Variants in NRG3 observed in about 807,000 individuals in gnomAD.
The protein encoded by NRG3 is neuregulin 3.
In NRG3, 31 loss-of-function variants were observed where a neutral mutation model predicts 66.9. The ratio of observed to expected loss-of-function variants is 0.46; its 90% CI spans 0.35 to 0.63. The LOEUF is 0.63. NRG3 is among the 20% of genes least tolerant of loss of function. NRG3 has a pLI of 0.00. For missense variants in NRG3, 910 were observed against 878.9 expected (o/e 1.04, Z -0.45); for synonymous variants, 393 against 359.4 (o/e 1.09, Z -1.06).
chr10:82,780,920 T>C (rs149131489), intron 3 of NRG3, among the ~76,000 whole-genome samples: 20 of 152,248 alleles, frequency 1.3e-4, no homozygotes, highest in African/African-American at 4.8e-4. Flanking sequence ...CTGGTGTAAG[T>C]TGTAAAGGTT....
At chr10:82,807,502 A>G (rs1169021342) in intron 3 of NRG3, among the ~76,000 whole-genome samples, 1 of 152,200 alleles carries the variant, frequency 6.6e-6, no homozygotes, top group Non-Finnish European at 1.5e-5. Context: ...ATACATAATT[A>G]CATGAATCAG....
At chr10:82,698,681 T>G (rs1195146790) in intron 2 of NRG3, among the ~76,000 whole-genome samples, 2 of 152,120 alleles carry the variant, frequency 1.3e-5, no homozygotes, top group Non-Finnish European at 2.9e-5. Flanking sequence ...CCTTTTGGAG[T>G]CTCAGTGTTC....
intron 3 of NRG3, among the ~76,000 whole-genome samples, chr10:82,785,488 A>G (rs2060317511): frequency 6.6e-6 from 1 of 152,180 alleles, no homozygotes; most frequent in African/African-American, 2.4e-5. Context: ...AAATTTAAAC[A>G]GTAAAGGCTA....
At chr10:82,176,577 G>T (rs2073048030) in intron 1 of NRG3, among the ~76,000 whole-genome samples, 1 of 152,086 alleles carries the variant, frequency 6.6e-6, no homozygotes, top group African/African-American at 2.4e-5. Flanking sequence ...TGAGCTGATT[G>T]AACTCCTTGG....
intron 8 of NRG3, among the ~76,000 whole-genome samples, chr10:82,980,574 C>T (rs978794869): frequency 6.6e-6 from 1 of 152,128 alleles, no homozygotes; most frequent in Non-Finnish European, 1.5e-5. Flanking sequence ...TAGCACAGAG[C>T]CTCACGTTTC....
chr10:82,309,176 G>A (rs758420008), intron 1 of NRG3, among the ~76,000 whole-genome samples: 11 of 152,104 alleles, frequency 7.2e-5, no homozygotes, highest in Admixed American at 3.3e-4. Flanking sequence ...AGAAGCTTTC[G>A]GGACTGAAGG....
chr10:82,628,469 A>G (rs2049580143), intron 2 of NRG3, among the ~76,000 whole-genome samples: 1 of 152,184 alleles, frequency 6.6e-6, no homozygotes, highest in Non-Finnish European at 1.5e-5. Flanking sequence ...ATCCCATGGA[A>G]CTAGAAGCAA....
At chr10:81,923,823 G>A (rs1010876608) in intron 1 of NRG3, among the ~76,000 whole-genome samples, 4 of 152,174 alleles carry the variant, frequency 2.6e-5, no homozygotes, top group African/African-American at 9.7e-5. Context: ...ACGTTTGCAT[G>A]TTTGGAAACC....
intron 1 of NRG3, among the ~76,000 whole-genome samples, chr10:82,095,360 C>A (rs571954630): frequency 1.3e-5 from 2 of 151,634 alleles, no homozygotes; most frequent in African/African-American, 4.8e-5. Context: ...AGCTTGACTG[C>A]AATATTCTGT....
intron 3 of NRG3, among the ~76,000 whole-genome samples, chr10:82,809,089 T>G (rs183007746): frequency 0.011 from 1,624 of 152,238 alleles, 11 homozygotes; most frequent in Non-Finnish European, 0.018. Flanking sequence ...TCAAGGCCAG[T>G]TCAAGACAAC....
In NRG3 at chr10:82,823,029, C is replaced by G. The variant is rs1306291929; in HGVS notation, c.1028-42382C>G. Among the ~76,000 whole-genome samples the G allele has an allele frequency of 3.3e-5, 5 of 152,268 alleles. No homozygotes were observed. In the East Asian group the frequency reaches 9.7e-4, roughly 29 times the overall value. On this transcript the variant is annotated intron_variant, in intron 3 of 8. Coordinates refer to ENST00000372141, the MANE Select transcript of NRG3 (RefSeq NM_001010848.4). ...AGAGTGCTAGCCTCATTGTTATTCC[C>G]CTTTTACTTTTCCTTCTTCTGCCAG... is the stretch of plus-strand genomic sequence containing the variant.
At chr10:82,547,666 T>C (rs1345127209) in intron 2 of NRG3, among the ~76,000 whole-genome samples, 1 of 152,030 alleles carries the variant, frequency 6.6e-6, no homozygotes, top group Non-Finnish European at 1.5e-5. Flanking sequence ...CACACATATA[T>C]ATTCCAGTTT....
At chr10:81,976,422 A>C (rs1407007212) in intron 1 of NRG3, among the ~76,000 whole-genome samples, 2 of 152,116 alleles carry the variant, frequency 1.3e-5, no homozygotes, top group Non-Finnish European at 2.9e-5. Context: ...TATGTAACAG[A>C]CTTTATGCTA....
chr10:82,025,244 A>G (rs2062245972), intron 1 of NRG3, among the ~76,000 whole-genome samples: 2 of 150,634 alleles, frequency 1.3e-5, no homozygotes, highest in African/African-American at 4.8e-5. Flanking sequence ...TATCTTATTA[A>G]TATTTTATAT....
chr10:82,251,605 G>A (rs115688308), intron 1 of NRG3, among the ~76,000 whole-genome samples: 1,594 of 152,166 alleles, frequency 0.01, 37 homozygotes, highest in African/African-American at 0.037. Context: ...TCCTGGTGCC[G>A]CTCCTGACCA....
chr10:82,484,851 TC>T (rs1842554259), intron 2 of NRG3, among the ~76,000 whole-genome samples: 1 of 152,150 alleles, frequency 6.6e-6, no homozygotes, highest in African/African-American at 2.4e-5. Context: ...GTCTCTAATC[TC>T]CGTAAAGAGA....
intron 1 of NRG3, among the ~76,000 whole-genome samples, chr10:82,162,003 A>C (rs2132959487): frequency 6.6e-6 from 1 of 152,202 alleles, no homozygotes; most frequent in Middle Eastern, 3.4e-3. Context: ...GTGTGCCCAA[A>C]CCCTCAAATG....
chr10:82,688,197 C>CGATACCCT (rs2054656819), intron 2 of NRG3, among the ~76,000 whole-genome samples: 1 of 152,172 alleles, frequency 6.6e-6, no homozygotes, highest in Non-Finnish European at 1.5e-5. Flanking sequence ...CATGTACATC[C>CGATACCCT]GATACCCTTG....
chr10:82,566,448 T>A (rs2045409949), intron 2 of NRG3, among the ~76,000 whole-genome samples: 1 of 152,010 alleles, frequency 6.6e-6, no homozygotes, highest in African/African-American at 2.4e-5. Context: ...GATTATCCTC[T>A]ACATTTTGAA....
Sources: gnomAD v4.1 joint callset for allele counts (sites outside exome capture counted in the v4.1 genomes callset) on GRCh38, gnomAD v4.1.1 for gene constraint, MANE v1.5 for transcripts, NCBI Gene and HGNC (gene_info 2026-07-23, HGNC 2026-07-21) for gene names.